TLN2: variants seen among roughly 807,000 people sequenced by gnomAD.
TLN2 encodes the protein talin 2.
Under a neutral mutation model 294.7 loss-of-function variants are expected in TLN2, and 118 were observed. The observed-to-expected ratio is 0.40, with a 90% CI of 0.34 to 0.47. The LOEUF is 0.47. Ranked by LOEUF, TLN2 falls within the 20% of genes least tolerant of loss-of-function variation. TLN2 has a pLI of 0.84. For synonymous variants in TLN2, 1,431 were observed against 1,304.5 expected (o/e 1.10, Z -2.09); for missense variants, 3,083 against 3,282.2 (o/e 0.94, Z 1.48).
At chr15:62,739,275 C>A in intron 30 of TLN2, 73 bp from the exon 31 acceptor site, 1 of 1,511,284 alleles carries the variant, frequency 6.6e-7, no homozygotes, top group Non-Finnish European at 9.0e-7. Context: ...TGTCTCCCTT[C>A]CACAATACCT....
intron 1 of TLN2, among the ~76,000 whole-genome samples, chr15:62,399,730 A>G (rs2032878260): frequency 6.6e-6 from 1 of 152,206 alleles, no homozygotes; most frequent in South Asian, 2.1e-4. Flanking sequence ...TATTTTGGCC[A>G]ATTTCTCCTA....
chr15:62,840,562 G>C lies in TLN2; in HGVS notation c.7581G>C (p.Gln2527His). 3 of 1,614,226 alleles carry C rather than the reference G, an allele frequency of 1.9e-6. No individual in the cohort carries two copies. Among genetic ancestry groups the C allele is most frequent in the Non-Finnish European group, 2.5e-6 (3 of 1,180,034 alleles). ...GGAAAAAACTGGCCCAAATCCGCCA[G>C]CAGCAGTATAAGTTTTTACCCACCG... Reference protein sequence around the residue: ...EARKKLAQIRQQQYKFLPTEL... With the variant: ...EARKKLAQIRHQQYKFLPTEL... Residue 2527 changes from glutamine (Q) to histidine (H), a missense_variant, in exon 59 of 59, where the codon CAG (glutamine) becomes CAC (histidine). Physicochemically the swap from Gln to His is conservative, Grantham distance 24. Coordinates refer to ENST00000636159, the MANE Select transcript of TLN2 (RefSeq NM_015059.3).
chr15:62,410,364 C>T (rs1336310501), intron 1 of TLN2, among the ~76,000 whole-genome samples: 1 of 152,008 alleles, frequency 6.6e-6, no homozygotes, highest in East Asian at 1.9e-4. Context: ...GTAAAAACTG[C>T]AGCAAGATTT....
At chr15:62,493,606 T>TCC (rs1168722182) in intron 1 of TLN2, among the ~76,000 whole-genome samples, 1 of 148,448 alleles carries the variant, frequency 6.7e-6, no homozygotes, top group African/African-American at 2.5e-5. Flanking sequence ...CCATGGAGGT[T>TCC]CCCCCCCGCC....
intron 9 of TLN2, among the ~76,000 whole-genome samples, chr15:62,669,866 C>T (rs188221561): frequency 6.6e-6 from 1 of 152,298 alleles, no homozygotes; most frequent in Admixed American, 6.5e-5. Flanking sequence ...CACACATGCA[C>T]ACACTATTCA....
In TLN2 at chr15:62,666,597, C is replaced by A. The variant is rs575010046; in HGVS notation, c.789-7230C>A. On this transcript the variant is annotated intron_variant, in intron 9 of 58. Transcript: ENST00000636159. ...AATATAATTAAAAGACCGGTCATTA[C>A]CCAGTCTGTGGTATTCTTTTGCAGC... Among the ~76,000 whole-genome samples, 17 of 152,284 alleles carry A rather than the reference C, an allele frequency of 1.1e-4. No homozygotes were observed. The East Asian group carries it at 1.4e-3, about 12-fold the overall frequency.
rs535326231 is a variant in TLN2 at position 62,713,535 on chromosome 15, C to A, written c.2634+1458C>A. Among the ~76,000 whole-genome samples the A allele has an allele frequency of 3.3e-5, 5 of 151,876 alleles. No homozygotes were observed. In the East Asian group the frequency reaches 9.7e-4, roughly 30 times the overall value. On this transcript the variant is annotated intron_variant, in intron 22 of 58. Transcript: ENST00000636159. Reference sequence around the variant, plus strand: ...CTCTACTAAAAATACAAAAATTAGCCAGGCTTGGTGGCACATGCCTGTAAT... The same window carrying A: ...CTCTACTAAAAATACAAAAATTAGCAAGGCTTGGTGGCACATGCCTGTAAT...
At chr15:62,535,972 G>A (rs1161346237) in intron 1 of TLN2, among the ~76,000 whole-genome samples, 1 of 152,160 alleles carries the variant, frequency 6.6e-6, no homozygotes, top group Non-Finnish European at 1.5e-5. Flanking sequence ...AACATTTCTA[G>A]CATCCAGTTT....
chr15:62,785,881 A>T (rs1385386490), intron 45 of TLN2, among the ~76,000 whole-genome samples: 1 of 152,200 alleles, frequency 6.6e-6, no homozygotes, highest in African/African-American at 2.4e-5. Context: ...ACCAAAGTAT[A>T]AAATAATGCC....
intron 32 of TLN2, among the ~76,000 whole-genome samples, chr15:62,747,347 G>A (rs1294846537): frequency 1.3e-5 from 2 of 152,046 alleles, no homozygotes; most frequent in Non-Finnish European, 2.9e-5. Context: ...GAGTCCCTAG[G>A]TTATTTCTGT....
At chr15:62,608,977 C>G (rs904793855) in intron 2 of TLN2, among the ~76,000 whole-genome samples, 1 of 151,862 alleles carries the variant, frequency 6.6e-6, no homozygotes, top group African/African-American at 2.4e-5. Flanking sequence ...AGAGAATTCC[C>G]GTAGGCATTG....
intron 1 of TLN2, among the ~76,000 whole-genome samples, chr15:62,496,215 C>G (rs1168314392): frequency 6.6e-6 from 1 of 152,180 alleles, no homozygotes; most frequent in Non-Finnish European, 1.5e-5. Context: ...TCTCTGGAAG[C>G]TGCTGGTTCT....
chr15:62,609,657 A>G (rs8043142), intron 2 of TLN2, among the ~76,000 whole-genome samples: 30,193 of 152,048 alleles, frequency 0.2, 3,467 homozygotes, highest in East Asian at 0.43. Flanking sequence ...TTCTTTTTGC[A>G]CCGCATCATG....
In TLN2 at chr15:62,664,853, G is replaced by A. The variant is rs1399689465; in HGVS notation, c.788+6955G>A. Reference sequence around the variant, plus strand: ...CAGCCTGGGCAACAAGAGGGAAACTGTCTCAAAAAAAAAAAAAAAAAAAAA... The same window carrying A: ...CAGCCTGGGCAACAAGAGGGAAACTATCTCAAAAAAAAAAAAAAAAAAAAA... On this transcript the variant is annotated intron_variant, in intron 9 of 58. Coordinates refer to ENST00000636159, the MANE Select transcript of TLN2 (RefSeq NM_015059.3). Among the ~76,000 whole-genome samples, 4 of 1,488 alleles carry A rather than the reference G, an allele frequency of 2.7e-3. No homozygotes were observed. In the Non-Finnish European group the frequency reaches 0.034, roughly 13 times the overall value. 1.0% of individuals were successfully genotyped at this position (1,488 alleles called of 152,430 possible). A position where few individuals can be genotyped will look rare whatever the true frequency, so the allele number is the denominator to read the frequency against.
At chr15:62,667,154 G>C (rs986763815) in intron 9 of TLN2, among the ~76,000 whole-genome samples, 1 of 152,066 alleles carries the variant, frequency 6.6e-6, no homozygotes, top group South Asian at 2.1e-4. Flanking sequence ...TTTTAGTAGA[G>C]ACGGGGTTTC....
Position 62,796,204 on chromosome 15 carries a change from T to C in TLN2, c.5961T>C (p.Ser1987=). Residue 1987 remains serine, a synonymous_variant, in exon 47 of 59, where the codon TCT becomes TCC. Coordinates refer to ENST00000636159, the MANE Select transcript of TLN2 (RefSeq NM_015059.3). The part of the protein sequence containing the change: ...QACITAATAV[S]GIIADLDTTI... ...GCATTACAGCCGCCACCGCTGTGTC[T>C]GGGATCATTGCCGACCTGGACACCA... 1 of 1,614,246 alleles carries C rather than the reference T, an allele frequency of 6.2e-7. No homozygotes were observed. Among genetic ancestry groups the C allele is most frequent in the Non-Finnish European group, 8.5e-7 (1 of 1,180,038 alleles).
chr15:62,666,997 G>T (rs1337519599), intron 9 of TLN2, among the ~76,000 whole-genome samples: 1 of 151,862 alleles, frequency 6.6e-6, no homozygotes, highest in East Asian at 1.9e-4. Flanking sequence ...ATGGAGTCTC[G>T]CTCTGTCGCC....
chr15:62,676,034 C>T (rs758332161), intron 11 of TLN2, among the ~76,000 whole-genome samples: 8 of 152,156 alleles, frequency 5.3e-5, no homozygotes, highest in Non-Finnish European at 1.0e-4. Context: ...GGAGAAAGCT[C>T]TAACTTATAG....
chr15:62,761,073 T>C (rs2062633758), intron 37 of TLN2, among the ~76,000 whole-genome samples: 1 of 152,204 alleles, frequency 6.6e-6, no homozygotes. Flanking sequence ...TTTTGTTAAA[T>C]ATGATGTTTG....
Sources: gnomAD v4.1 joint callset for allele counts (sites outside exome capture counted in the v4.1 genomes callset) on GRCh38, gnomAD v4.1.1 for gene constraint, MANE v1.5 for transcripts, NCBI Gene and HGNC (gene_info 2026-07-23, HGNC 2026-07-21) for gene names.